The following TTN variants were observed in gnomAD, a reference collection of about 807,000 sequenced individuals.
TTN encodes the protein titin, also known as connectin.
A neutral mutation model predicts 3,223.0 loss-of-function variants in TTN; 1,525 were observed. That is an observed-to-expected ratio of 0.47 (90% CI 0.45 to 0.49). The LOEUF is 0.49. TTN is among the 20% of genes least tolerant of loss of function. The pLI, the probability that TTN is intolerant of heterozygous loss-of-function variation, is 0.00. For missense variants in TTN, 40,786 were observed against 43,424.0 expected, an observed-to-expected ratio of 0.94 and a Z score of 5.40; for synonymous variants, 14,094 against 15,161.0, an observed-to-expected ratio of 0.93 and a Z score of 5.17.
In TTN at chr2:178,706,535, A is replaced by G; in HGVS notation, c.29339T>C (p.Ile9780Thr). 1 of 1,613,806 alleles carries G rather than the reference A, an allele frequency of 6.2e-7. No homozygotes were observed. Residue 9780 changes from isoleucine (I) to threonine (T), a missense_variant, in exon 102 of 363, where the codon ATT becomes ACT. Transcript: ENST00000589042. ...RCVAFNEHGE[I>T]ESNVNLQVDE... ...CACCTGTAAGTTAACATTACTTTCA[A>G]TTTCACCATGTTCGTTAAATGCCAC...
chr2:178,751,941 T>C, intron 47 of TTN: 1 of 1,588,896 alleles, frequency 6.3e-7, no homozygotes, highest in South Asian at 1.2e-5. Flanking sequence ...CTTGCATATC[T>C]TTTAGCAGCC....
In TTN at chr2:178,692,566, CAGGT is replaced by C; in HGVS notation, c.31605_31608del (p.Pro10536ArgfsTer88). On this transcript the variant is annotated frameshift_variant, in exon 120 of 363. Transcript: ENST00000589042. LOFTEE classifies it high-confidence loss of function. ...GCCACTTCTTCTGGAGCTGGTTTCT[CAGGT>C]AGCTCAGGGACTTTAAAAGAAAAGT... 1 of 1,558,104 alleles carries C rather than the reference CAGGT, an allele frequency of 6.4e-7. No individual in the cohort carries two copies. The highest frequency in any genetic ancestry group is 1.2e-5 in the South Asian group (1 of 81,096).
rs1559881107 is a variant in TTN, at chr2:178,621,536, A to G, written c.45288T>C (p.Asp15096=). The G allele has an allele frequency of 6.2e-7, 1 of 1,612,508 alleles. No individual in the cohort carries two copies. The highest frequency in any genetic ancestry group is 8.5e-7 in the Non-Finnish European group (1 of 1,179,092). ...ILVIQNAHLE[D]AGNYNCRLPS... Reference sequence around the variant, plus strand: ...GGAGTCGACAGTTGTAGTTGCCAGCATCCTCAAGGTGAGCGTTCTGAATGA... The same window carrying G: ...GGAGTCGACAGTTGTAGTTGCCAGCGTCCTCAAGGTGAGCGTTCTGAATGA... Residue 15096 remains aspartate, a synonymous_variant, in exon 245 of 363, where the codon GAT becomes GAC. Coordinates refer to ENST00000589042, the MANE Select transcript of TTN (RefSeq NM_001267550.2).
Position 178,723,621 on chromosome 2 carries a change from A to G in TTN, c.21479T>C (p.Ile7160Thr). The change falls in exon 74 of 363, where the codon ATT becomes ACT. Residue 7160 changes from isoleucine to threonine, a missense_variant. By Grantham distance (89) the Ile-to-Thr change is moderately conservative. Coordinates refer to ENST00000589042, the MANE Select transcript of TTN (RefSeq NM_001267550.2). Reference sequence around the variant, plus strand: ...GACTTTGAATGGAGGGGTTCCTCTAATAACGCTTGTGAAGGTTACATTTTT... The same window carrying G: ...GACTTTGAATGGAGGGGTTCCTCTAGTAACGCTTGTGAAGGTTACATTTTT... Reference protein sequence around the residue: ...PGKNVTFTSVIRGTPPFKVNW... With the variant: ...PGKNVTFTSVTRGTPPFKVNW... 1.2e-6 allele frequency: 2 copies of G among 1,612,730 alleles called. No individual in the cohort carries two copies. Among genetic ancestry groups the G allele is most frequent in the Non-Finnish European group, 1.7e-6 (2 of 1,179,372 alleles).
chr2:178,753,107 A>G lies in TTN; in HGVS notation c.11311+17T>C. ...TTTAGAATTTCTACTTAAATCTCACATCCATTATAACAATACCTTTCATTT... is the reference window on the plus strand; with the variant it reads ...TTTAGAATTTCTACTTAAATCTCACGTCCATTATAACAATACCTTTCATTT... On this transcript the variant is annotated intron_variant, in intron 47 of 362. Transcript: ENST00000589042. The G allele has an allele frequency of 6.2e-7, 1 of 1,603,100 alleles. No homozygotes were observed.
At position 178,739,784 on chromosome 2, in the gene TTN, C is replaced by T. The variant is rs772702030; in HGVS notation, c.13449G>A (p.Glu4483=). The T allele has an allele frequency of 3.7e-6, 6 of 1,613,628 alleles. No homozygotes were observed. The highest frequency in any genetic ancestry group is 5.1e-6 in the Non-Finnish European group (6 of 1,179,812). Residue 4483 remains glutamate (E), a synonymous_variant, in exon 48 of 363, where the codon GAG becomes GAA. Transcript: ENST00000589042. ...CCTCAGCTGTTAGGATGTCTATTTC[C>T]TCATATATAATAGCACACAAAGCAT... ...LRDALCAIIY[E]EIDILTAEGP...
In TTN at chr2:178,563,368, G is replaced by A. The variant is rs1444219267; in HGVS notation, c.82764C>T (p.Ser27588=). The part of the protein sequence containing the change: ...KVTDTSRSSV[S]LAWSKPIYDG... ...CATAAATTGGCTTACTCCATGCCAG[G>A]GAGACAGAAGATCTGGAAGTGTCCG... is the stretch of plus-strand genomic sequence containing the variant. The change falls in exon 326 of 363, where the codon TCC becomes TCT. Residue 27588 remains serine (S), a synonymous_variant. Coordinates refer to ENST00000589042, the MANE Select transcript of TTN (RefSeq NM_001267550.2). This position sits in a 1 kb window ranked among gnomAD's most constrained non-coding sequence, Gnocchi z 4.5. The A allele has an allele frequency of 1.2e-6, 2 of 1,613,428 alleles. No homozygotes were observed. Among genetic ancestry groups the A allele is most frequent in the African/African-American group, 2.7e-5 (2 of 74,878 alleles).
At chr2:178,630,440 CT>C in intron 238 of TTN, 73 bp from the exon 239 acceptor site, 1 of 1,487,806 alleles carries the variant, frequency 6.7e-7, no homozygotes, top group Non-Finnish European at 9.0e-7. Context: ...GATAGATTAT[CT>C]TAATTAAAGG....
At chr2:178,721,744 C>G (rs1238555998) in intron 78 of TTN, 103 bp downstream of exon 78, 5 of 1,259,050 alleles carry the variant, frequency 4.0e-6, no homozygotes, top group Non-Finnish European at 5.3e-6. Context: ...TCTAACATGT[C>G]CAGTTAGTTT....
Position 178,595,490 on chromosome 2 carries a change from T to A in TTN, c.57847+17A>T, listed in dbSNP as rs1185742760. ...GTAAAGAAGTGATTAAGTATACATT[T>A]TTTTTTTTTTACTTACTTATTGGCT... On this transcript the variant is annotated intron_variant, in intron 295 of 362. Coordinates refer to ENST00000589042, the MANE Select transcript of TTN (RefSeq NM_001267550.2). 6.5e-7 allele frequency: 1 copy of A among 1,538,796 alleles called. No individual in the cohort carries two copies.
intron 62 of TTN, 71 bp downstream of exon 62, chr2:178,730,022 C>T (rs998479267): frequency 6.3e-7 from 1 of 1,584,504 alleles, no homozygotes; most frequent in Admixed American, 1.8e-5. Context: ...TCTTAAGCGT[C>T]CCCCGCCCCG....
At chr2:178,772,745 A>C (rs533156465) in intron 33 of TTN, among the ~76,000 whole-genome samples, 2 of 152,360 alleles carry the variant, frequency 1.3e-5, no homozygotes, top group East Asian at 3.9e-4. Flanking sequence ...TACAAATAGA[A>C]TTCCAGATTT....
Position 178,649,580 on chromosome 2 carries a change from T to C in TTN, c.39947A>G (p.Lys13316Arg). ...TTTAGCTGCTGGTGTTTCTGGCTTC[T>C]TAACAGTTGGGACCTTCTTCACTGG... ...VVPVKKVPTV[K>R]KPETPAAKVP... is the part of the protein sequence containing the mutation. The change falls in exon 212 of 363, where the codon AAG becomes AGG. Residue 13316 changes from lysine to arginine, a missense_variant. By Grantham distance (26) the Lys-to-Arg change is conservative (BLOSUM62 2). Transcript: ENST00000589042. 3 of 1,550,054 alleles carry C rather than the reference T, an allele frequency of 1.9e-6. No homozygotes were observed. The highest frequency in any genetic ancestry group is 2.6e-6 in the Non-Finnish European group (3 of 1,146,610).
intron 2 of TTN, among the ~76,000 whole-genome samples, chr2:178,804,187 G>A (rs796689133): frequency 7.9e-4 from 120 of 152,316 alleles, no homozygotes; most frequent in African/African-American, 2.6e-3. Context: ...CCATGGCTCT[G>A]TGGCTGGCTT....
At chr2:178,781,025 A>C in intron 21 of TTN, 96 bp downstream of exon 21, 1 of 1,536,654 alleles carries the variant, frequency 6.5e-7, no homozygotes, top group South Asian at 1.1e-5. Context: ...TATCAGAACC[A>C]GTAAGTGGCA....
Position 178,620,916 on chromosome 2 carries a change from T to C in TTN, c.45694A>G (p.Asn15232Asp). ...QQEVVFNCEV[N>D]TEGAKAKWFR... is the part of the protein sequence containing the mutation. ...CATTTGGCTTTGGCACCTTCAGTAT[T>C]GACTTCACAGTTGAAGACAACTTCC... Residue 15232 changes from asparagine to aspartate, a missense_variant, in exon 247 of 363, where the codon AAT (asparagine) becomes GAT (aspartate). Transcript: ENST00000589042. 1 of 1,612,534 alleles carries C rather than the reference T, an allele frequency of 6.2e-7. No homozygotes were observed. Among genetic ancestry groups the C allele is most frequent in the South Asian group, 1.1e-5 (1 of 91,034 alleles).
At chr2:178,745,007 T>C in intron 47 of TTN, 1 of 985,950 alleles carries the variant, frequency 1.0e-6, no homozygotes, top group Non-Finnish European at 1.2e-6. Flanking sequence ...AGTTAATATA[T>C]TAAGATTGAA....
In TTN at chr2:178,641,318, T is replaced by G; in HGVS notation, c.40559-3A>C. On this transcript the variant is annotated splice_region_variant and splice_polypyrimidine_tract_variant and intron_variant, in intron 219 of 362. Transcript: ENST00000589042. The stretch of plus-strand genomic sequence containing the variant: ...TTCTTCAGGTCTTTTTCTTAGAACT[T>G]TAAAGACAAAAAGGTTTATATGTAA... 1.4e-6 allele frequency: 2 copies of G among 1,462,920 alleles called. No homozygotes were observed. Among genetic ancestry groups the G allele is most frequent in the South Asian group, 1.3e-5 (1 of 75,196 alleles). 90.6% of individuals were successfully genotyped at this position (1,462,920 alleles called of 1,614,324 possible).
intron 235 of TTN, 47 bp downstream of exon 235, chr2:178,632,479 G>T: frequency 6.3e-7 from 1 of 1,589,462 alleles, no homozygotes. Flanking sequence ...TAAAACTAAA[G>T]GCAAAAAAAA....
Sources: gnomAD v4.1 joint callset for allele counts (sites outside exome capture counted in the v4.1 genomes callset) on GRCh38, gnomAD v4.1.1 for gene constraint, Gnocchi (gnomAD v3.1) non-coding constraint, MANE v1.5 for transcripts, NCBI Gene and HGNC (gene_info 2026-07-23, HGNC 2026-07-21) for gene names.